Variants in UBAP1L observed in about 807,000 individuals in gnomAD.
UBAP1L encodes the protein ubiquitin associated protein 1 like.
In UBAP1L, 32 loss-of-function variants were observed where a neutral mutation model predicts 32.1. The observed-to-expected ratio is 1.00, with a 90% CI of 0.75 to 1.34. The LOEUF (loss-of-function observed/expected upper bound fraction) is 1.34, where lower values mean the gene tolerates loss of function less well. Among genes scored for constraint, UBAP1L ranks in the 40% most tolerant of loss-of-function variants. The probability of loss-of-function intolerance (pLI) is 0.00; values close to 1 mark genes in which losing one functional copy is unlikely to be tolerated. For missense variants in UBAP1L, 516 were observed against 540.5 expected, an observed-to-expected ratio of 0.95 and a Z score of 0.45; for synonymous variants, 243 against 250.2, an observed-to-expected ratio of 0.97 and a Z score of 0.27.
At chr15:65,100,889 A>G (rs1595920109) in intron 3 of UBAP1L, 1 of 152,312 alleles carries the variant, frequency 6.6e-6, no homozygotes, top group South Asian at 2.1e-4. Flanking sequence ...TCCATCATCT[A>G]CAGAATACTG....
At chr15:65,107,732 G>T (rs1433169293) in intron 1 of UBAP1L, among the ~76,000 whole-genome samples, 2 of 79,462 alleles carry the variant, frequency 2.5e-5, no homozygotes, top group African/African-American at 4.2e-5. Context: ...AGAAGGAAAC[G>T]CTGTCTCAAA....
chr15:65,094,915 A>C lies in UBAP1L; in HGVS notation c.910-339T>G. On this transcript the variant is annotated intron_variant, in intron 4 of 5. Coordinates refer to ENST00000559089, the MANE Select transcript of UBAP1L (RefSeq NM_001163692.2). The surrounding 1 kb of genome is among the most constrained non-coding windows in gnomAD (Gnocchi z 4.2). ...AGACATCCCACCTACCACCCAACGC[A>C]ATTCAACATTCATGCACCACCCACC... The C allele has an allele frequency of 2.8e-6, 1 of 355,932 alleles. No individual in the cohort carries two copies. Among genetic ancestry groups the C allele is most frequent in the Non-Finnish European group, 5.4e-6 (1 of 186,190 alleles). 22.0% of individuals were successfully genotyped at this position (355,932 alleles called of 1,614,324 possible).
At chr15:65,112,469 A>G (rs767360791) in intron 1 of UBAP1L, among the ~76,000 whole-genome samples, 19 of 152,122 alleles carry the variant, frequency 1.2e-4, no homozygotes, top group Non-Finnish European at 2.8e-4. Flanking sequence ...CCTCTCAAAC[A>G]CTAGCCCATG....
rs1023981817 is a variant in UBAP1L at position 65,094,098 on chromosome 15, C to T, written c.1011+377G>A. ...TACAGCTGCATGCACTTGGGGTAGG[C>T]GGCACGCTCCCCAAGTAGAAAGGTC... On this transcript the variant is annotated intron_variant, in intron 5 of 5. Coordinates refer to ENST00000559089, the MANE Select transcript of UBAP1L (RefSeq NM_001163692.2). This position sits in a 1 kb window ranked among gnomAD's most constrained non-coding sequence, Gnocchi z 4.2. Among the ~76,000 whole-genome samples the T allele has an allele frequency of 7.2e-5, 11 of 152,136 alleles. No individual in the cohort carries two copies. The highest frequency in any genetic ancestry group is 2.7e-4 in the African/African-American group (11 of 41,438).
At chr15:65,110,788 T>G (rs2140571617) in intron 1 of UBAP1L, among the ~76,000 whole-genome samples, 3 of 152,286 alleles carry the variant, frequency 2.0e-5, no homozygotes, top group Middle Eastern at 6.8e-3. Context: ...CTAGACTTCT[T>G]GACCGCAGTC....
intron 3 of UBAP1L, 99 bp from the exon 4 acceptor site, chr15:65,099,813 C>T: frequency 9.7e-7 from 1 of 1,026,842 alleles, no homozygotes; most frequent in Non-Finnish European, 1.4e-6. Flanking sequence ...ACCTTCTGTA[C>T]AGAGTGTAGG....
chr15:65,102,334 C>T lies in UBAP1L; in HGVS notation c.471G>A (p.Gly157=). ...TCCCCTCGGAGAGCCGCCGCCGCGCCCCTGCCAGCTCCAACCGCACGCCGC... is the reference window on the plus strand; with the variant it reads ...TCCCCTCGGAGAGCCGCCGCCGCGCTCCTGCCAGCTCCAACCGCACGCCGC... ...VLRGVRLELA[G]ARRRLSEGKL... The change falls in exon 3 of 6, where the codon GGG becomes GGA. Residue 157 remains glycine (G), a synonymous_variant. Coordinates refer to ENST00000559089, the MANE Select transcript of UBAP1L (RefSeq NM_001163692.2). The surrounding 1 kb of genome is among the most constrained non-coding windows in gnomAD (Gnocchi z 5.0). 2.1e-6 allele frequency: 3 copies of T among 1,458,656 alleles called. No individual in the cohort carries two copies. The highest frequency in any genetic ancestry group is 1.8e-6 in the Non-Finnish European group (2 of 1,113,546). 90.4% of individuals were successfully genotyped at this position (1,458,656 alleles called of 1,614,324 possible).
At position 65,092,847 on chromosome 15, in the gene UBAP1L, G is replaced by T; in HGVS notation, c.*250C>A. ...ACAGTGTAAAGAGTCAAATCAGGTGGTTTCACAGGCATGCATGAAGAACAT... is the reference window on the plus strand; with the variant it reads ...ACAGTGTAAAGAGTCAAATCAGGTGTTTTCACAGGCATGCATGAAGAACAT... On this transcript the variant is annotated 3_prime_UTR_variant, in exon 6 of 6. Transcript: ENST00000559089. 1.9e-6 allele frequency: 1 copy of T among 527,610 alleles called. No homozygotes were observed. Among genetic ancestry groups the T allele is most frequent in the Non-Finnish European group, 3.3e-6 (1 of 304,004 alleles). 32.7% of individuals were successfully genotyped at this position (527,610 alleles called of 1,614,324 possible).
rs1275075596 is a variant in UBAP1L at position 65,102,710 on chromosome 15, C to T, written c.121-26G>A. 3 of 1,537,164 alleles carry T rather than the reference C, an allele frequency of 2.0e-6. No homozygotes were observed. Among genetic ancestry groups the T allele is most frequent in the Non-Finnish European group, 2.6e-6 (3 of 1,143,900 alleles). On this transcript the variant is annotated intron_variant, in intron 2 of 5. Coordinates refer to ENST00000559089, the MANE Select transcript of UBAP1L (RefSeq NM_001163692.2). The surrounding 1 kb of genome is among the most constrained non-coding windows in gnomAD (Gnocchi z 5.0). ...CTGCGGAAAGAAGGCGACGTAAAGC[C>T]CAGGGCAAACCAGGACCCCGGGGGC... is the stretch of plus-strand genomic sequence containing the variant.
rs761008965 is a variant in UBAP1L at position 65,093,070 on chromosome 15, C to T, written c.*27G>A. On this transcript the variant is annotated 3_prime_UTR_variant, in exon 6 of 6. Coordinates refer to ENST00000559089, the MANE Select transcript of UBAP1L (RefSeq NM_001163692.2). ...CCAGGTCTGGCATTGGGCCTAGATG[C>T]CCAGGCATCGTGGAGTGCCTCCGTG... The T allele has an allele frequency of 3.3e-5, 50 of 1,538,014 alleles. No homozygotes were observed. The highest frequency in any genetic ancestry group is 4.2e-5 in the Non-Finnish European group (48 of 1,143,702).
At position 65,094,854 on chromosome 15, in the gene UBAP1L, A is replaced by G; in HGVS notation, c.910-278T>C. On this transcript the variant is annotated intron_variant, in intron 4 of 5. Coordinates refer to ENST00000559089, the MANE Select transcript of UBAP1L (RefSeq NM_001163692.2). This position sits in a 1 kb window ranked among gnomAD's most constrained non-coding sequence, Gnocchi z 4.2. ...TGTCAGGGTGGGCTAGGGTGTTCATAGAACCTAGGTGGGGAGCAGGACAGG... is the reference window on the plus strand; with the variant it reads ...TGTCAGGGTGGGCTAGGGTGTTCATGGAACCTAGGTGGGGAGCAGGACAGG... 2.0e-6 allele frequency: 1 copy of G among 497,004 alleles called. No individual in the cohort carries two copies. The highest frequency in any genetic ancestry group is 3.7e-6 in the Non-Finnish European group (1 of 271,248). The allele number at this position is 497,004 out of a possible 1,614,324, so 30.8% of individuals were successfully genotyped here.
chr15:65,112,165 G>C (rs949609512), intron 1 of UBAP1L, among the ~76,000 whole-genome samples: 2 of 152,172 alleles, frequency 1.3e-5, no homozygotes, highest in African/African-American at 4.8e-5. Flanking sequence ...CTTGACCCTG[G>C]AAGGTGAAAG....
In UBAP1L at chr15:65,102,299, G is replaced by T; in HGVS notation, c.506C>A (p.Ser169Tyr). The change falls in exon 3 of 6, where the codon TCC becomes TAC. Residue 169 changes from serine to tyrosine, a missense_variant. By Grantham distance (144) the Ser-to-Tyr change is moderately radical (BLOSUM62 -2). Coordinates refer to ENST00000559089, the MANE Select transcript of UBAP1L (RefSeq NM_001163692.2). The surrounding 1 kb of genome is among the most constrained non-coding windows in gnomAD (Gnocchi z 5.0). Reference sequence around the variant, plus strand: ...GCCATGCAGGAGGGCGCGGGGCCGGGAGACCAGCTTCCCCTCGGAGAGCCG... The same window carrying T: ...GCCATGCAGGAGGGCGCGGGGCCGGTAGACCAGCTTCCCCTCGGAGAGCCG... ...RRRLSEGKLVSRPRALLHGLR... is the reference protein window; with the variant it reads ...RRRLSEGKLVYRPRALLHGLR... 1 of 1,417,382 alleles carries T rather than the reference G, an allele frequency of 7.1e-7. No individual in the cohort carries two copies. Among genetic ancestry groups the T allele is most frequent in the African/African-American group, 1.5e-5 (1 of 65,736 alleles). The allele number at this position is 1,417,382 out of a possible 1,614,324, so 87.8% of individuals were successfully genotyped here.
At position 65,094,550 on chromosome 15, in the gene UBAP1L, G is replaced by A. The variant is rs1402440970; in HGVS notation, c.936C>T (p.Asp312=). 3.2e-6 allele frequency: 5 copies of A among 1,551,524 alleles called. No individual in the cohort carries two copies. The highest frequency in any genetic ancestry group is 4.4e-6 in the Non-Finnish European group (5 of 1,146,970). ...CCTCATATCCCTGACGTAACAGGCG[G>A]TCACAGGCACTGAGGTAGCTGAGAA... The part of the protein sequence containing the change: ...SQFLSYLSAC[D]RLLRQGYEEG... The change falls in exon 5 of 6, where the codon GAC becomes GAT. Residue 312 remains aspartate, a synonymous_variant. Coordinates refer to ENST00000559089, the MANE Select transcript of UBAP1L (RefSeq NM_001163692.2). This position sits in a 1 kb window ranked among gnomAD's most constrained non-coding sequence, Gnocchi z 4.2.
chr15:65,106,354 A>G lies in UBAP1L; in HGVS notation c.-139T>C. 2 of 1,029,044 alleles carry G rather than the reference A, an allele frequency of 1.9e-6. No individual in the cohort carries two copies. The highest frequency in any genetic ancestry group is 2.7e-6 in the Non-Finnish European group (2 of 749,226). The allele number at this position is 1,029,044 out of a possible 1,614,324, so 63.7% of individuals were successfully genotyped here. ...CTGTGTGGTCACTTAGCTGAGCCCC[A>G]AACAGCTGGAAAGGAAAAGGTGAGG... On this transcript the variant is annotated 5_prime_UTR_variant, in exon 2 of 6. Coordinates refer to ENST00000559089, the MANE Select transcript of UBAP1L (RefSeq NM_001163692.2).
intron 2 of UBAP1L, chr15:65,105,833 C>G (rs765539749): frequency 2.4e-4 from 168 of 700,012 alleles, no homozygotes; most frequent in Non-Finnish European, 4.2e-4. Flanking sequence ...ACTCTGTCGC[C>G]AGGCTGAAAT....
chr15:65,106,005 C>G, intron 2 of UBAP1L, 91 bp downstream of exon 2: 1 of 1,515,392 alleles, frequency 6.6e-7, no homozygotes, highest in South Asian at 1.3e-5. Flanking sequence ...TTGGCCAGGG[C>G]TAGCTGTCCT....
chr15:65,095,344 T>G (rs1323122597), intron 4 of UBAP1L: 1 of 152,380 alleles, frequency 6.6e-6, no homozygotes, highest in Non-Finnish European at 1.5e-5. Flanking sequence ...CCGTCCCTTG[T>G]GCCCCCATAG....
intron 4 of UBAP1L, 25 bp downstream of exon 4, chr15:65,099,480 A>G: frequency 1.9e-6 from 3 of 1,546,942 alleles, no homozygotes; most frequent in Non-Finnish European, 2.6e-6. Flanking sequence ...ATCACAGCTC[A>G]TCAGCTCTGG....
Sources: gnomAD v4.1 joint callset for allele counts (sites outside exome capture counted in the v4.1 genomes callset) on GRCh38, gnomAD v4.1.1 for gene constraint, Gnocchi (gnomAD v3.1) non-coding constraint, MANE v1.5 for transcripts, NCBI Gene and HGNC (gene_info 2026-07-23, HGNC 2026-07-21) for gene names.